Variants in COL23A1 observed in about 807,000 individuals in gnomAD.
COL23A1 encodes collagen alpha-1(XXIII) chain.
COL23A1 carries 97 observed loss-of-function variants against 99.3 expected under a neutral mutation model. The observed-to-expected ratio is 0.98, with a 90% CI of 0.83 to 1.16. COL23A1 has a LOEUF of 1.16. COL23A1 is among the 50% of genes most tolerant of loss of function. The probability of loss-of-function intolerance (pLI) is 0.00; values close to 1 mark genes in which losing one functional copy is unlikely to be tolerated. For synonymous variants in COL23A1, 320 were observed against 308.2 expected (o/e 1.04, Z -0.40); for missense variants, 762 against 757.4 (o/e 1.01, Z -0.07).
Position 178,568,151 on chromosome 5 carries a change from G to T in COL23A1, c.295-7403C>A, listed in dbSNP as rs145875553. On this transcript the variant is annotated intron_variant, in intron 1 of 28. Coordinates refer to ENST00000390654, the MANE Select transcript of COL23A1 (RefSeq NM_173465.4). ...GAAGTATTAGACTATCCCAAATTGTGAGACATTCTATAAAATACCTGCTTA... is the reference window on the plus strand; with the variant it reads ...GAAGTATTAGACTATCCCAAATTGTTAGACATTCTATAAAATACCTGCTTA... Among the ~76,000 whole-genome samples, 35 of 152,296 alleles carry T rather than the reference G, an allele frequency of 2.3e-4. No individual in the cohort carries two copies. The East Asian group carries it at 4.0e-3, about 18-fold the overall frequency.
Position 178,280,389 on chromosome 5 carries a change from TCCC to T in COL23A1, c.441+7932_441+7934del, listed in dbSNP as rs1271112366. Among the ~76,000 whole-genome samples the T allele has an allele frequency of 3.9e-5, 6 of 151,918 alleles. No homozygotes were observed. The highest frequency in any genetic ancestry group is 1.5e-4 in the African/African-American group (6 of 41,346). On this transcript the variant is annotated intron_variant, in intron 5 of 28. Transcript: ENST00000390654. The surrounding 1 kb of genome is among the most constrained non-coding windows in gnomAD (Gnocchi z 4.9). The stretch of plus-strand genomic sequence containing the variant: ...AGCTCTCCTGCGTCATCTCCTTGGT[TCCC>T]CCAATAGCTGAAGGGGCCGAGGCTT...
chr5:178,297,976 C>G (rs2973784), intron 3 of COL23A1, among the ~76,000 whole-genome samples: 99,698 of 152,044 alleles, frequency 0.66, 33,288 homozygotes, highest in African/African-American at 0.7. Context: ...GGTTGGTCCA[C>G]GCCAGCCAGG....
chr5:178,354,818 A>C (rs1761535365), intron 2 of COL23A1, among the ~76,000 whole-genome samples: 1 of 152,114 alleles, frequency 6.6e-6, no homozygotes, highest in Non-Finnish European at 1.5e-5. Context: ...GCACTTTGGG[A>C]GGCCGAGGCA....
chr5:178,470,111 A>C (rs753144933), intron 2 of COL23A1, among the ~76,000 whole-genome samples: 2 of 152,234 alleles, frequency 1.3e-5, no homozygotes, highest in Non-Finnish European at 2.9e-5. Flanking sequence ...CTCAGCCTGC[A>C]GACATCTGCC....
rs1758800666 is a variant in COL23A1 at position 178,313,236 on chromosome 5, T to C, written c.362-6317A>G. ...GAAGTCGGTGGGCCCAGAGACTCCG[T>C]TTTGCAACATGAAGAGTTCTGGAGA... On this transcript the variant is annotated intron_variant, in intron 2 of 28. Coordinates refer to ENST00000390654, the MANE Select transcript of COL23A1 (RefSeq NM_173465.4). The surrounding 1 kb of genome is among the most constrained non-coding windows in gnomAD (Gnocchi z 4.2). 6.6e-6 allele frequency among the ~76,000 whole-genome samples: 1 copy of C among 151,884 alleles called. No homozygotes were observed.
rs532564117 is a variant in COL23A1, at chr5:178,502,982, T to C, written c.361+57700A>G. Among the ~76,000 whole-genome samples the C allele has an allele frequency of 4.6e-5, 7 of 152,244 alleles. No individual in the cohort carries two copies. In the South Asian group the frequency reaches 1.2e-3, roughly 27 times the overall value. ...CAGCACGGGCCAACCCCACACACGA[T>C]GCCAGTCACAGACGAGCACAGTCAG... is the stretch of plus-strand genomic sequence containing the variant. On this transcript the variant is annotated intron_variant, in intron 2 of 28. Coordinates refer to ENST00000390654, the MANE Select transcript of COL23A1 (RefSeq NM_173465.4).
At chr5:178,426,326 G>T (rs756486007) in intron 2 of COL23A1, among the ~76,000 whole-genome samples, 2 of 152,116 alleles carry the variant, frequency 1.3e-5, no homozygotes, top group African/African-American at 4.8e-5. Context: ...TCAGCTCATC[G>T]CTTTTCGTCT....
At chr5:178,552,437 AG>A (rs1347642100) in intron 2 of COL23A1, among the ~76,000 whole-genome samples, 4 of 152,212 alleles carry the variant, frequency 2.6e-5, no homozygotes, top group Non-Finnish European at 4.4e-5. Flanking sequence ...TGACATACCA[AG>A]GTAGCTGCCT....
intron 2 of COL23A1, among the ~76,000 whole-genome samples, chr5:178,495,036 C>A (rs900570121): frequency 2.6e-5 from 4 of 152,182 alleles, no homozygotes; most frequent in Admixed American, 2.6e-4. Context: ...GCTGGGGTCA[C>A]CAGAGACACT....
chr5:178,276,056 G>A (rs758319419), intron 5 of COL23A1, among the ~76,000 whole-genome samples: 3 of 152,214 alleles, frequency 2.0e-5, no homozygotes, highest in South Asian at 2.1e-4. Flanking sequence ...TCCTATAACC[G>A]TGTGGCTACA....
chr5:178,413,764 TC>T (rs1274557694), intron 2 of COL23A1, among the ~76,000 whole-genome samples: 4 of 152,170 alleles, frequency 2.6e-5, no homozygotes, highest in Non-Finnish European at 5.9e-5. Flanking sequence ...AGCAGAGGGT[TC>T]CAGGCAAAGG....
chr5:178,502,884 A>T (rs537433785), intron 2 of COL23A1, among the ~76,000 whole-genome samples: 2 of 152,302 alleles, frequency 1.3e-5, no homozygotes, highest in East Asian at 3.9e-4. Context: ...ACGCCCCTGA[A>T]CCGCAGCACA....
At chr5:178,449,676 C>G (rs1767373827) in intron 2 of COL23A1, among the ~76,000 whole-genome samples, 1 of 152,060 alleles carries the variant, frequency 6.6e-6, no homozygotes, top group African/African-American at 2.4e-5. Flanking sequence ...CCCACCCCAC[C>G]CCACCTTTTT....
chr5:178,578,660 C>G (rs1210673940), intron 1 of COL23A1, among the ~76,000 whole-genome samples: 1 of 151,750 alleles, frequency 6.6e-6, no homozygotes, highest in South Asian at 2.1e-4. Context: ...CCGCCTTCCC[C>G]CACCCACCCC....
rs73338902 is a variant in COL23A1, at chr5:178,272,690, C to T, written c.442-2327G>A. Among the ~76,000 whole-genome samples the T allele has an allele frequency of 9.5e-3, 1,454 of 152,268 alleles. 24 individuals are homozygous for T. Among genetic ancestry groups the T allele is most frequent in the African/African-American group, 0.034 (1,397 of 41,554 alleles). On this transcript the variant is annotated intron_variant, in intron 5 of 28. Transcript: ENST00000390654. ...CCGGCTGTCCTGATCCTGGGGTCCACACCCCCAGGCCTTCTGCCCTCGGTA... is the reference window on the plus strand; with the variant it reads ...CCGGCTGTCCTGATCCTGGGGTCCATACCCCCAGGCCTTCTGCCCTCGGTA...
intron 2 of COL23A1, among the ~76,000 whole-genome samples, chr5:178,532,840 G>A (rs1483120328): frequency 2.0e-5 from 3 of 152,166 alleles, no homozygotes. Context: ...GACACGTGAG[G>A]ATGTGGCAAG....
At chr5:178,584,699 T>C (rs1763833114) in intron 1 of COL23A1, among the ~76,000 whole-genome samples, 1 of 152,176 alleles carries the variant, frequency 6.6e-6, no homozygotes, top group Non-Finnish European at 1.5e-5. Context: ...CACAGTCAGA[T>C]ATGGCTGCTA....
intron 2 of COL23A1, among the ~76,000 whole-genome samples, chr5:178,427,950 G>C (rs1304445713): frequency 6.6e-6 from 1 of 152,194 alleles, no homozygotes; most frequent in African/African-American, 2.4e-5. Flanking sequence ...AATGTTAACT[G>C]TGGAGTTTGG....
intron 2 of COL23A1, among the ~76,000 whole-genome samples, chr5:178,423,092 C>T (rs188358246): frequency 6.6e-6 from 1 of 152,182 alleles, no homozygotes; most frequent in East Asian, 1.9e-4. Context: ...TTAGCCTTCC[C>T]AGTAGCTGGG....
Sources: gnomAD v4.1 joint callset for allele counts (sites outside exome capture counted in the v4.1 genomes callset) on GRCh38, gnomAD v4.1.1 for gene constraint, Gnocchi (gnomAD v3.1) non-coding constraint, MANE v1.5 for transcripts, NCBI Gene and HGNC (gene_info 2026-07-23, HGNC 2026-07-21) for gene names.